The following TRAPPC4 variants were observed in gnomAD, a reference collection of about 807,000 sequenced individuals.
TRAPPC4 encodes the protein trafficking protein particle complex subunit 4.
TRAPPC4 carries 30 observed loss-of-function variants against 23.5 expected under a neutral mutation model. The ratio of observed to expected loss-of-function variants is 1.28; its 90% CI spans 0.96 to 1.73. The LOEUF (loss-of-function observed/expected upper bound fraction) is 1.73. Among genes scored for constraint, TRAPPC4 ranks in the 40% most tolerant of loss-of-function variants. The pLI, the probability that TRAPPC4 is intolerant of heterozygous loss-of-function variation, is 0.00. For synonymous variants in TRAPPC4, 129 were observed against 105.3 expected (o/e 1.23, Z -1.38); for missense variants, 252 against 268.9 (o/e 0.94, Z 0.44).
intron 4 of TRAPPC4, among the ~76,000 whole-genome samples, chr11:119,022,445 T>C (rs1943390739): frequency 6.6e-6 from 1 of 150,426 alleles, no homozygotes; most frequent in Non-Finnish European, 1.5e-5. Flanking sequence ...AAAATTAGCC[T>C]GGTGTGGTGG....
Position 119,021,899 on chromosome 11 carries a change from A to G in TRAPPC4, c.581+13A>G, listed in dbSNP as rs782436145. The G allele has an allele frequency of 1.9e-6, 3 of 1,613,936 alleles. No homozygotes were observed. In the South Asian group the frequency reaches 3.3e-5, roughly 18 times the overall value. On this transcript the variant is annotated intron_variant, in intron 4 of 4. Coordinates refer to ENST00000533632, the MANE Select transcript of TRAPPC4 (RefSeq NM_016146.6). The stretch of plus-strand genomic sequence containing the variant: ...AAATGCCTATCAGGTAAGTGGCCCC[A>G]CTTCCCAGATACTGTTTAAAGCGTC...
In TRAPPC4 at chr11:119,019,328, C is replaced by G. The variant is rs782638845; in HGVS notation, c.350+11C>G. 1.9e-6 allele frequency: 3 copies of G among 1,606,802 alleles called. No individual in the cohort carries two copies. The highest frequency in any genetic ancestry group is 3.3e-4 in the Middle Eastern group (2 of 6,002). On this transcript the variant is annotated intron_variant, in intron 2 of 4. Transcript: ENST00000533632. Reference sequence around the variant, plus strand: ...CTCCATGTTCCACTCGTAAGTCCCCCGTCTCCTGAACGGCAGCGCTTGTAA... The same window carrying G: ...CTCCATGTTCCACTCGTAAGTCCCCGGTCTCCTGAACGGCAGCGCTTGTAA...
chr11:119,022,356 G>A (rs1015022153), intron 4 of TRAPPC4, among the ~76,000 whole-genome samples: 1 of 152,022 alleles, frequency 6.6e-6, no homozygotes, highest in Non-Finnish European at 1.5e-5. Flanking sequence ...TTTGGAAGAC[G>A]GAGAGGGTAG....
In TRAPPC4 at chr11:119,020,159, C is replaced by T. The variant is rs1352288217; in HGVS notation, c.360C>T (p.Ala120=). 1.9e-6 allele frequency: 3 copies of T among 1,613,628 alleles called. No individual in the cohort carries two copies. The highest frequency in any genetic ancestry group is 1.7e-5 in the Admixed American group (1 of 60,010). The change falls in exon 3 of 5, where the codon GCC becomes GCT. Residue 120 remains alanine, a synonymous_variant. Coordinates refer to ENST00000533632, the MANE Select transcript of TRAPPC4 (RefSeq NM_016146.6). ...MLASMFHSLF[A]IGSQLSPEQG... is the part of the protein sequence containing the mutation. Reference sequence around the variant, plus strand: ...CCTCCTTTGCATATAGGCTCTTTGCCATCGGCTCCCAGCTGTCTCCTGAAC... The same window carrying T: ...CCTCCTTTGCATATAGGCTCTTTGCTATCGGCTCCCAGCTGTCTCCTGAAC...
chr11:119,022,908 GTGT>G (rs1308494236), intron 4 of TRAPPC4: 1 of 151,368 alleles, frequency 6.6e-6, no homozygotes, highest in Non-Finnish European at 1.4e-5. Context: ...ACTTTCCTTG[GTGT>G]TTATGTCATT....
intron 4 of TRAPPC4, 33 bp from the exon 5 acceptor site, chr11:119,023,288 A>C (rs1432028183): frequency 1.2e-6 from 2 of 1,610,640 alleles, no homozygotes; most frequent in Non-Finnish European, 1.7e-6. Context: ...CTCAGGCCTC[A>C]CACTTTTTTT....
chr11:119,021,337 C>G (rs1943353385), intron 3 of TRAPPC4: 1 of 161,016 alleles, frequency 6.2e-6, no homozygotes, highest in South Asian at 1.7e-4. Flanking sequence ...AATGCTATTT[C>G]CTGTTGCGTG....
chr11:119,022,511 C>T (rs534584939), intron 4 of TRAPPC4, among the ~76,000 whole-genome samples: 1 of 152,144 alleles, frequency 6.6e-6, no homozygotes, highest in Non-Finnish European at 1.5e-5. Flanking sequence ...TTGCTTAAAC[C>T]TGGAAGGTCA....
chr11:119,023,224 C>T (rs1255881748), intron 4 of TRAPPC4, 97 bp from the exon 5 acceptor site: 2 of 1,185,370 alleles, frequency 1.7e-6, no homozygotes, highest in African/African-American at 3.0e-5. Context: ...CTCAGCCTTC[C>T]ATGATATATG....
intron 4 of TRAPPC4, 30 bp downstream of exon 4, chr11:119,021,916 T>G (rs1943368574): frequency 1.2e-6 from 2 of 1,612,578 alleles, no homozygotes; most frequent in Non-Finnish European, 1.7e-6. Context: ...AGATACTGTT[T>G]AAAGCGTCCT....
chr11:119,021,973 A>G, intron 4 of TRAPPC4, 87 bp downstream of exon 4: 3 of 1,493,180 alleles, frequency 2.0e-6, no homozygotes, highest in Non-Finnish European at 2.7e-6. Context: ...AGCATAGTAG[A>G]GTATTACTTT....
At chr11:119,019,107 C>T (rs1404083398) in intron 1 of TRAPPC4, 36 bp from the exon 2 acceptor site, 9 of 1,604,462 alleles carry the variant, frequency 5.6e-6, no homozygotes, top group Non-Finnish European at 7.7e-6. Flanking sequence ...AATCCCCGGG[C>T]TGCACCTTCG....
intron 4 of TRAPPC4, 97 bp downstream of exon 4, chr11:119,021,983 T>G: frequency 2.1e-6 from 3 of 1,456,350 alleles, no homozygotes; most frequent in Non-Finnish European, 1.9e-6. Context: ...AGTATTACTT[T>G]TTTTGTTTGT....
At chr11:119,019,400 C>G (rs979045319) in intron 2 of TRAPPC4, 83 bp downstream of exon 2, 15 of 1,423,196 alleles carry the variant, frequency 1.1e-5, no homozygotes, top group Admixed American at 2.0e-5. Flanking sequence ...ATGAAAAACG[C>G]AACCGATCCA....
chr11:119,023,261 T>C, intron 4 of TRAPPC4, 60 bp from the exon 5 acceptor site: 2 of 1,545,640 alleles, frequency 1.3e-6, no homozygotes, highest in Non-Finnish European at 1.8e-6. Context: ...TTCCCCTGGC[T>C]TAAGTGGGGA....
At position 119,023,353 on chromosome 11, in the gene TRAPPC4, C is replaced by A; in HGVS notation, c.614C>A (p.Ala205Asp). 6.2e-7 allele frequency: 1 copy of A among 1,614,106 alleles called. No homozygotes were observed. Among genetic ancestry groups the A allele is most frequent in the Non-Finnish European group, 8.5e-7 (1 of 1,179,998 alleles). ...CTCTTTGACCAGAACCTGAAGCTAG[C>A]TCTGGAGGTGGCAGAGAAGGCTGGA... Reference protein sequence around the residue: ...CELFDQNLKLALEVAEKAGTF... With the variant: ...CELFDQNLKLDLEVAEKAGTF... The change falls in exon 5 of 5, where the codon GCT becomes GAT. Residue 205 changes from alanine (A) to aspartate (D), a missense_variant. Ala to Asp is a moderately radical substitution (Grantham distance 126). Around this residue, in one of 3 missense-constraint regions of TRAPPC4, gnomAD observed 21 missense variants for 24.8 expected, o/e 0.85. Transcript: ENST00000533632.
chr11:119,018,847 C>T lies in TRAPPC4; in HGVS notation c.52C>T (p.Gln18Ter). 2 of 1,614,190 alleles carry T rather than the reference C, an allele frequency of 1.2e-6. No homozygotes were observed. Among genetic ancestry groups the T allele is most frequent in the South Asian group, 1.1e-5 (1 of 91,076 alleles). The change falls in exon 1 of 5, where the codon CAG becomes TAG. Residue 18 changes from glutamine to a stop codon, truncating the protein, a stop_gained. Coordinates refer to ENST00000533632, the MANE Select transcript of TRAPPC4 (RefSeq NM_016146.6). LOFTEE classifies it high-confidence loss of function. The part of the protein sequence containing the change: ...VVNKAGGLIY[Q>*]LDSYAPRAEA... The stretch of plus-strand genomic sequence containing the variant: ...GAACAAAGCTGGCGGCTTGATTTAC[C>T]AGTTGGACAGCTACGCGCCACGGGC...
chr11:119,023,317 T>C lies in TRAPPC4; in HGVS notation c.582-4T>C. On this transcript the variant is annotated splice_polypyrimidine_tract_variant and splice_region_variant and intron_variant, in intron 4 of 4. Transcript: ENST00000533632. ...TTTTTTTCCTCACCCTGGGCCCGGCTTAGGTGTGAGCTCTTTGACCAGAAC... is the reference window on the plus strand; with the variant it reads ...TTTTTTTCCTCACCCTGGGCCCGGCCTAGGTGTGAGCTCTTTGACCAGAAC... 1 of 1,614,014 alleles carries C rather than the reference T, an allele frequency of 6.2e-7. No homozygotes were observed. Among genetic ancestry groups the C allele is most frequent in the Non-Finnish European group, 8.5e-7 (1 of 1,179,958 alleles).
At position 119,019,244 on chromosome 11, in the gene TRAPPC4, C is replaced by A; in HGVS notation, c.277C>A (p.Pro93Thr). 1.2e-6 allele frequency: 2 copies of A among 1,614,120 alleles called. No individual in the cohort carries two copies. Among genetic ancestry groups the A allele is most frequent in the South Asian group, 2.2e-5 (2 of 91,084 alleles). The change falls in exon 2 of 5, where the codon CCG (proline) becomes ACG (threonine). Residue 93 changes from proline (P) to threonine (T), a missense_variant. Physicochemically the swap from Pro to Thr is conservative, Grantham distance 38. Around this residue, in one of 3 missense-constraint regions of TRAPPC4, gnomAD observed 222 missense variants for 217.8 expected, o/e 1.02. Coordinates refer to ENST00000533632, the MANE Select transcript of TRAPPC4 (RefSeq NM_016146.6). ...LEYLGNPANYPVSIRFGRPRL... is the reference protein window; with the variant it reads ...LEYLGNPANYTVSIRFGRPRL... ...GTATCTGGGTAACCCTGCTAATTAC[C>A]CGGTGTCCATTCGATTTGGCCGGCC...
Sources: gnomAD v4.1 joint callset for allele counts (sites outside exome capture counted in the v4.1 genomes callset) on GRCh38, gnomAD v4.1.1 for gene constraint, gnomAD v4.1.1 regional missense constraint, MANE v1.5 for transcripts, NCBI Gene and HGNC (gene_info 2026-07-23, HGNC 2026-07-21) for gene names.